The following KCNT2 variants were observed in gnomAD, a reference collection of about 807,000 sequenced individuals.
The protein encoded by KCNT2 is potassium channel subfamily T member 2.
KCNT2 carries 67 observed loss-of-function variants against 153.8 expected under a neutral mutation model. The ratio of observed to expected loss-of-function variants is 0.44; its 90% CI spans 0.36 to 0.53. The LOEUF is 0.53. KCNT2 is among the 20% of genes least tolerant of loss of function. The probability of loss-of-function intolerance (pLI) is 0.00; values close to 1 mark genes in which losing one functional copy is unlikely to be tolerated. For missense variants in KCNT2, 975 were observed against 1,354.8 expected, an observed-to-expected ratio of 0.72 and a Z score of 4.40; for synonymous variants, 500 against 458.8, an observed-to-expected ratio of 1.09 and a Z score of -1.15.
At chr1:196,525,699 G>GCA (rs888993848) in intron 1 of KCNT2, among the ~76,000 whole-genome samples, 23 of 152,292 alleles carry the variant, frequency 1.5e-4, no homozygotes, top group African/African-American at 5.3e-4. Context: ...AGCACAGTAG[G>GCA]CAGTACTGTT....
At chr1:196,368,221 C>T (rs2148306983) in intron 14 of KCNT2, among the ~76,000 whole-genome samples, 1 of 152,274 alleles carries the variant, frequency 6.6e-6, no homozygotes, top group Middle Eastern at 3.4e-3. Context: ...TTGCCTCACC[C>T]ATTACTTCCT....
intron 5 of KCNT2, among the ~76,000 whole-genome samples, chr1:196,477,129 A>G (rs1678606561): frequency 1.3e-5 from 2 of 152,048 alleles, no homozygotes; most frequent in South Asian, 4.1e-4. Flanking sequence ...CATCAATCTG[A>G]CATTCTTAGA....
At chr1:196,493,130 G>T (rs1455814165) in intron 1 of KCNT2, among the ~76,000 whole-genome samples, 5 of 152,240 alleles carry the variant, frequency 3.3e-5, no homozygotes, top group Admixed American at 2.6e-4. Flanking sequence ...GAGAAATCTT[G>T]TTCAGTGCAA....
intron 18 of KCNT2, among the ~76,000 whole-genome samples, chr1:196,330,336 G>C (rs575959933): frequency 6.6e-6 from 1 of 151,866 alleles, no homozygotes; most frequent in South Asian, 2.1e-4. Flanking sequence ...AGCCTTATGA[G>C]GTTCATATTA....
intron 1 of KCNT2, among the ~76,000 whole-genome samples, chr1:196,592,860 AAAT>A (rs1308832903): frequency 1.3e-5 from 2 of 149,508 alleles, no homozygotes; most frequent in African/African-American, 2.4e-5. Flanking sequence ...ATAAAATAAA[AAAT>A]AATTTCTATT....
At chr1:196,280,294 AT>A (rs1365163864) in intron 25 of KCNT2, among the ~76,000 whole-genome samples, 1 of 152,226 alleles carries the variant, frequency 6.6e-6, no homozygotes, top group East Asian at 1.9e-4. Context: ...TTCTCCTTCC[AT>A]ACTAACAAGA....
rs1553236223 is a variant in KCNT2, at chr1:196,487,409, A to AGTGTGTGTGTGCGTGT, written c.275+2428_275+2429insACACGCACACACACAC. On this transcript the variant is annotated intron_variant, in intron 3 of 27. Coordinates refer to ENST00000294725, the MANE Select transcript of KCNT2 (RefSeq NM_198503.5). ...ACATATAGTACCTACCATGTTATGG[A>AGTGTGTGTGTGCGTGT]GTGTGTGTGTGTGTGTGTGTGTGTG... Among the ~76,000 whole-genome samples, 206 of 146,544 alleles carry AGTGTGTGTGTGCGTGT rather than the reference A, an allele frequency of 1.4e-3. 1 individual carries two copies. Among genetic ancestry groups the AGTGTGTGTGTGCGTGT allele is most frequent in the Non-Finnish European group, 2.6e-3 (174 of 66,092 alleles).
intron 1 of KCNT2, among the ~76,000 whole-genome samples, chr1:196,493,257 A>G (rs752658667): frequency 2.6e-5 from 4 of 151,672 alleles, no homozygotes; most frequent in Non-Finnish European, 5.9e-5. Context: ...ACAAATATTT[A>G]ATTTCATTTT....
At chr1:196,328,852 G>A (rs1664155510) in intron 18 of KCNT2, among the ~76,000 whole-genome samples, 1 of 151,928 alleles carries the variant, frequency 6.6e-6, no homozygotes, top group African/African-American at 2.4e-5. Flanking sequence ...GAGAACAAAG[G>A]AAATGGTAAC....
rs114694625 is a variant in KCNT2, at chr1:196,399,634, T to A, written c.1186-963A>T. Among the ~76,000 whole-genome samples, 178 of 151,836 alleles carry A rather than the reference T, an allele frequency of 1.2e-3. 2 individuals carry two copies. The highest frequency in any genetic ancestry group is 4.1e-3 in the African/African-American group (172 of 41,510). The stretch of plus-strand genomic sequence containing the variant: ...AGACACGAGGGACTGTTTATCCAAA[T>A]GCAGATAGAAGAAGTTGTTATTTAT... On this transcript the variant is annotated intron_variant, in intron 12 of 27. Coordinates refer to ENST00000294725, the MANE Select transcript of KCNT2 (RefSeq NM_198503.5).
chr1:196,526,372 G>A (rs906278907), intron 1 of KCNT2, among the ~76,000 whole-genome samples: 1 of 150,448 alleles, frequency 6.6e-6, no homozygotes, highest in Non-Finnish European at 1.5e-5. Flanking sequence ...TTACATTATT[G>A]TATACATAAA....
intron 8 of KCNT2, among the ~76,000 whole-genome samples, chr1:196,432,440 T>G (rs1463453018): frequency 1.3e-5 from 2 of 152,124 alleles, no homozygotes; most frequent in African/African-American, 4.8e-5. Context: ...AACGCTGCTG[T>G]GTGGTCTTTG....
intron 1 of KCNT2, among the ~76,000 whole-genome samples, chr1:196,574,878 GTCTC>G (rs1013939639): frequency 6.6e-6 from 1 of 151,688 alleles, no homozygotes; most frequent in African/African-American, 2.4e-5. Context: ...AGAGTTTTGA[GTCTC>G]TCTCTCTGTC....
chr1:196,275,421 G>A (rs1236634811), intron 25 of KCNT2, among the ~76,000 whole-genome samples: 1 of 151,380 alleles, frequency 6.6e-6, no homozygotes, highest in African/African-American at 2.4e-5. Context: ...GTGTTTGTGT[G>A]ACTTCTCCTT....
chr1:196,342,038 A>T, intron 15 of KCNT2, 41 bp downstream of exon 15: 2 of 1,586,870 alleles, frequency 1.3e-6, no homozygotes, highest in Non-Finnish European at 1.7e-6. Context: ...GATATGCTTG[A>T]CTGATTGATA....
intron 13 of KCNT2, among the ~76,000 whole-genome samples, chr1:196,375,918 T>C (rs928767155): frequency 6.6e-6 from 1 of 151,860 alleles, no homozygotes; most frequent in African/African-American, 2.4e-5. Flanking sequence ...AGATATGATA[T>C]AATATTCAAC....
chr1:196,369,080 T>A (rs1668282846), intron 14 of KCNT2, among the ~76,000 whole-genome samples: 1 of 152,140 alleles, frequency 6.6e-6, no homozygotes, highest in Non-Finnish European at 1.5e-5. Flanking sequence ...TACCCCTCGA[T>A]TATTACTGAG....
Position 196,289,437 on chromosome 1 carries a change from T to C in KCNT2, c.2596-3679A>G, listed in dbSNP as rs1295411136. ...ATTTTGCTTTCTGTTACTTACACAA[T>C]GCCTAACACAATGCCTGGCACACAG... On this transcript the variant is annotated intron_variant, in intron 22 of 27. Transcript: ENST00000294725. 2.6e-5 allele frequency among the ~76,000 whole-genome samples: 4 copies of C among 152,248 alleles called. No individual in the cohort carries two copies. The East Asian group carries it at 7.7e-4, about 29-fold the overall frequency.
At position 196,282,322 on chromosome 1, in the gene KCNT2, C is replaced by T; in HGVS notation, c.2732G>A (p.Arg911Lys). 6.2e-7 allele frequency: 1 copy of T among 1,601,172 alleles called. No individual in the cohort carries two copies. The highest frequency in any genetic ancestry group is 8.6e-7 in the Non-Finnish European group (1 of 1,169,046). ...TGTAGTGTCCAGTCCCAACAGAAGT[C>T]TCGTGATAGAAATCATATAATCCTT... ...FVKDYMISITRLLLGLDTTPG... is the reference protein window; with the variant it reads ...FVKDYMISITKLLLGLDTTPG... Residue 911 changes from arginine (R) to lysine (K), a missense_variant, in exon 24 of 28, where the codon AGA becomes AAA. Physicochemically the swap from Arg to Lys is conservative, Grantham distance 26. Around this residue, in one of 6 missense-constraint regions of KCNT2, gnomAD observed 241 missense variants for 271.1 expected, o/e 0.89. Transcript: ENST00000294725.
Sources: gnomAD v4.1 joint callset for allele counts (sites outside exome capture counted in the v4.1 genomes callset) on GRCh38, gnomAD v4.1.1 for gene constraint, gnomAD v4.1.1 regional missense constraint, MANE v1.5 for transcripts, NCBI Gene and HGNC (gene_info 2026-07-23, HGNC 2026-07-21) for gene names.